Variants in TRHDE observed in about 807,000 individuals in gnomAD.
TRHDE encodes thyrotropin releasing hormone degrading enzyme, also known as thyrotropin-releasing hormone-degrading ectoenzyme.
Under a neutral mutation model 125.7 loss-of-function variants are expected in TRHDE, and 72 were observed. The ratio of observed to expected loss-of-function variants is 0.57; its 90% CI spans 0.47 to 0.70. The LOEUF (loss-of-function observed/expected upper bound fraction) is 0.70. Among genes scored for constraint, TRHDE ranks in the 30% least tolerant of loss-of-function variants. The pLI is 0.00. For synonymous variants in TRHDE, 509 were observed against 509.1 expected (o/e 1.00, Z 0.00); for missense variants, 1,110 against 1,327.1 (o/e 0.84, Z 2.54).
At chr12:72,173,147 A>T (rs1018808189) in intron 2 of TRHDE, among the ~76,000 whole-genome samples, 9 of 152,240 alleles carry the variant, frequency 5.9e-5, no homozygotes, top group African/African-American at 2.2e-4. Context: ...CCCAAATAAT[A>T]AAATAATGCC....
intron 2 of TRHDE, among the ~76,000 whole-genome samples, chr12:72,314,029 T>C (rs914619174): frequency 6.6e-6 from 1 of 152,190 alleles, no homozygotes; most frequent in Non-Finnish European, 1.5e-5. Context: ...TCATGCTGCC[T>C]GCTCTTCTAT....
chr12:72,660,501 C>T (rs1327606999), intron 18 of TRHDE, among the ~76,000 whole-genome samples: 1 of 152,148 alleles, frequency 6.6e-6, no homozygotes, highest in Non-Finnish European at 1.5e-5. Context: ...AGCCCTCAAA[C>T]GGCCCTTATG....
At chr12:72,491,029 G>T (rs1877654843) in intron 5 of TRHDE, among the ~76,000 whole-genome samples, 1 of 149,558 alleles carries the variant, frequency 6.7e-6, no homozygotes, top group South Asian at 2.1e-4. Context: ...GTGAGATGAT[G>T]GATATGTTAA....
intron 5 of TRHDE, among the ~76,000 whole-genome samples, chr12:72,497,240 C>T (rs1303434181): frequency 6.6e-6 from 1 of 152,022 alleles, no homozygotes; most frequent in African/African-American, 2.4e-5. Flanking sequence ...AAGCATGAGG[C>T]AGTAATATGA....
intron 5 of TRHDE, among the ~76,000 whole-genome samples, chr12:72,490,267 G>A (rs1877604003): frequency 6.6e-6 from 1 of 151,730 alleles, no homozygotes; most frequent in South Asian, 2.1e-4. Context: ...AAATGCAAAT[G>A]AAAATCATGA....
intron 2 of TRHDE, among the ~76,000 whole-genome samples, chr12:72,331,231 C>T (rs953957323): frequency 1.1e-4 from 16 of 152,204 alleles, no homozygotes; most frequent in African/African-American, 2.6e-4. Context: ...GTAATGGAGC[C>T]GGGATTTGAA....
At chr12:72,137,186 G>A (rs1029933687) in intron 2 of TRHDE, among the ~76,000 whole-genome samples, 2 of 152,128 alleles carry the variant, frequency 1.3e-5, no homozygotes, top group Non-Finnish European at 2.9e-5. Context: ...TGTGAAACAG[G>A]GCATTTTGGA....
Position 72,273,148 on chromosome 12 carries a change from C to T in TRHDE, c.505C>T (p.Pro169Ser). The change falls in exon 1 of 19, where the codon CCG becomes TCG. Residue 169 changes from proline to serine, a missense_variant. By Grantham distance (74) the Pro-to-Ser change is moderately conservative. Around this residue, in one of 5 missense-constraint regions of TRHDE, gnomAD observed 248 missense variants for 240.8 expected, o/e 1.03. Coordinates refer to ENST00000261180, the MANE Select transcript of TRHDE (RefSeq NM_013381.3). The surrounding 1 kb of genome is among the most constrained non-coding windows in gnomAD (Gnocchi z 5.3). ...VASPGTTSAQPPSEEEREPWE... is the reference protein window; with the variant it reads ...VASPGTTSAQSPSEEEREPWE... ...CAGTCCGGGGACCACGTCGGCCCAG[C>T]CGCCGTCGGAGGAGGAGCGGGAGCC... 1 of 1,569,228 alleles carries T rather than the reference C, an allele frequency of 6.4e-7. No homozygotes were observed. Among genetic ancestry groups the T allele is most frequent in the Non-Finnish European group, 8.6e-7 (1 of 1,156,106 alleles).
At chr12:72,225,015 A>G (rs1050760677) in intron 2 of TRHDE, among the ~76,000 whole-genome samples, 4 of 152,172 alleles carry the variant, frequency 2.6e-5, no homozygotes, top group African/African-American at 9.6e-5. Context: ...TAATAGCACA[A>G]ACTCCATTTG....
intron 12 of TRHDE, among the ~76,000 whole-genome samples, chr12:72,613,900 G>A (rs1313797598): frequency 1.3e-5 from 2 of 152,068 alleles, no homozygotes; most frequent in Non-Finnish European, 2.9e-5. Flanking sequence ...GGTTTAATTG[G>A]CTCACAATTT....
At chr12:72,227,154 A>G (rs1229147438) in intron 2 of TRHDE, among the ~76,000 whole-genome samples, 2 of 152,220 alleles carry the variant, frequency 1.3e-5, no homozygotes, top group African/African-American at 4.8e-5. Flanking sequence ...GCAAAATAAC[A>G]GAGTAGATAT....
At chr12:72,249,292 G>A (rs1776821343) in intron 2 of TRHDE, among the ~76,000 whole-genome samples, 1 of 152,148 alleles carries the variant, frequency 6.6e-6, no homozygotes, top group Admixed American at 6.5e-5. Context: ...AATAATCTGT[G>A]TACCTGACAA....
chr12:72,116,004 C>T (rs1400226968), intron 2 of TRHDE, among the ~76,000 whole-genome samples: 1 of 152,144 alleles, frequency 6.6e-6, no homozygotes, highest in African/African-American at 2.4e-5. Flanking sequence ...TGCACTCCCT[C>T]CCTTTCCCCC....
intron 2 of TRHDE, among the ~76,000 whole-genome samples, chr12:72,223,628 T>A (rs1878043384): frequency 6.6e-6 from 1 of 152,144 alleles, no homozygotes; most frequent in South Asian, 2.1e-4. Flanking sequence ...TAGAAATTTA[T>A]CTACCTGTCT....
chr12:72,637,499 G>T (rs373542699), intron 15 of TRHDE, among the ~76,000 whole-genome samples: 35 of 151,808 alleles, frequency 2.3e-4, no homozygotes, highest in African/African-American at 5.1e-4. Context: ...GTGTCTCTAT[G>T]TCCTTCAGTT....
intron 6 of TRHDE, among the ~76,000 whole-genome samples, chr12:72,512,419 TAA>T (rs1173275204): frequency 8.8e-6 from 1 of 113,554 alleles, no homozygotes; most frequent in Admixed American, 9.7e-5. Context: ...TATAACTATA[TAA>T]TATATATTAT....
intron 3 of TRHDE, among the ~76,000 whole-genome samples, chr12:72,462,495 A>G (rs1296093530): frequency 2.0e-5 from 3 of 152,158 alleles, no homozygotes; most frequent in Non-Finnish European, 4.4e-5. Flanking sequence ...TGTGTGGCTT[A>G]TGATTGCAGG....
At chr12:72,582,537 C>T (rs1439648085) in intron 12 of TRHDE, 25 of 985,188 alleles carry the variant, frequency 2.5e-5, no homozygotes, top group Non-Finnish European at 2.9e-5. Flanking sequence ...ATATGTTGAT[C>T]ATTTTTTCAC....
intron 2 of TRHDE, among the ~76,000 whole-genome samples, chr12:72,355,216 A>G (rs1165041881): frequency 6.6e-6 from 1 of 151,562 alleles, no homozygotes. Context: ...GGTTCCAAGG[A>G]TGGTTTCTCT....
Sources: gnomAD v4.1 joint callset for allele counts (sites outside exome capture counted in the v4.1 genomes callset) on GRCh38, gnomAD v4.1.1 for gene constraint, gnomAD v4.1.1 regional missense constraint, Gnocchi (gnomAD v3.1) non-coding constraint, MANE v1.5 for transcripts, NCBI Gene and HGNC (gene_info 2026-07-23, HGNC 2026-07-21) for gene names.